MYOF: variants seen among roughly 807,000 people sequenced by gnomAD.
MYOF encodes myoferlin.
Under a neutral mutation model 284.2 loss-of-function variants are expected in MYOF, and 244 were observed. The ratio of observed to expected loss-of-function variants is 0.86; its 90% CI spans 0.77 to 0.95. The LOEUF is 0.95. MYOF is among the 40% of genes least tolerant of loss of function. The probability of loss-of-function intolerance (pLI) is 0.00; values close to 1 mark genes in which losing one functional copy is unlikely to be tolerated. For missense variants in MYOF, 2,496 were observed against 2,560.6 expected, an observed-to-expected ratio of 0.97 and a Z score of 0.54; for synonymous variants, 904 against 919.7, an observed-to-expected ratio of 0.98 and a Z score of 0.31.
chr10:93,362,255 G>GT (rs35080758), intron 27 of MYOF, among the ~76,000 whole-genome samples: 38,802 of 145,540 alleles, frequency 0.27, 6,552 homozygotes, highest in East Asian at 0.88. Context: ...GCCTGTTTTT[G>GT]TTTTTTTTGA....
At position 93,343,922 on chromosome 10, in the gene MYOF, C is replaced by G. The variant is rs1564634325; in HGVS notation, c.4260G>C (p.Leu1420=). 29 of 1,614,144 alleles carry G rather than the reference C, an allele frequency of 1.8e-5. No homozygotes were observed. Among genetic ancestry groups the G allele is most frequent in the Middle Eastern group, 3.3e-4 (2 of 6,062 alleles). ...DIVPQLKASL[L]SAPPCRDIVI... is the part of the protein sequence containing the mutation. The stretch of plus-strand genomic sequence containing the variant: ...CGATGTCCCGGCATGGTGGGGCAGA[C>G]AGAAGGGAGGCTGCAAGACAAATAC... Residue 1420 remains leucine (L), a synonymous_variant, in exon 38 of 54, where the codon CTG becomes CTC. Coordinates refer to ENST00000359263, the MANE Select transcript of MYOF (RefSeq NM_013451.4).
intron 20 of MYOF, among the ~76,000 whole-genome samples, chr10:93,380,621 C>T (rs1324119998): frequency 6.6e-6 from 1 of 152,182 alleles, no homozygotes; most frequent in Non-Finnish European, 1.5e-5. Context: ...AGTTCTCATA[C>T]TTTGCTTTCT....
chr10:93,404,578 T>C (rs1412216419), intron 7 of MYOF, among the ~76,000 whole-genome samples: 3 of 136,976 alleles, frequency 2.2e-5, no homozygotes, highest in Non-Finnish European at 4.5e-5. Flanking sequence ...TAGGCTGAGA[T>C]GGGAGGAGTG....
intron 6 of MYOF, 93 bp downstream of exon 6, chr10:93,409,480 A>T: frequency 7.0e-7 from 1 of 1,424,270 alleles, no homozygotes; most frequent in Non-Finnish European, 9.5e-7. Flanking sequence ...GCCATTGTCC[A>T]TTGGAATAGG....
At chr10:93,435,415 T>C (rs1274973018) in intron 3 of MYOF, among the ~76,000 whole-genome samples, 1 of 152,214 alleles carries the variant, frequency 6.6e-6, no homozygotes, top group Non-Finnish European at 1.5e-5. Context: ...ATCAAAAACT[T>C]CGAGGCACAT....
intron 7 of MYOF, among the ~76,000 whole-genome samples, chr10:93,407,603 T>C (rs1589521145): frequency 6.6e-6 from 1 of 150,474 alleles, no homozygotes; most frequent in East Asian, 2.0e-4. Flanking sequence ...CTGGGCGTGG[T>C]GGCGGGCGCC....
intron 4 of MYOF, among the ~76,000 whole-genome samples, chr10:93,428,949 A>C (rs1173664024): frequency 6.6e-6 from 1 of 152,198 alleles, no homozygotes; most frequent in Non-Finnish European, 1.5e-5. Flanking sequence ...CAAAAGGGTA[A>C]GAGGAATTAC....
intron 12 of MYOF, among the ~76,000 whole-genome samples, chr10:93,401,170 AAGAG>A (rs561505646): frequency 6.6e-6 from 1 of 152,182 alleles, no homozygotes; most frequent in Non-Finnish European, 1.5e-5. Context: ...ATAGAATAGC[AAGAG>A]AGAGAGTCAA....
chr10:93,375,653 G>A (rs1446938786), intron 22 of MYOF, among the ~76,000 whole-genome samples: 1 of 152,196 alleles, frequency 6.6e-6, no homozygotes, highest in East Asian at 1.9e-4. Flanking sequence ...GTATGGAAAG[G>A]ATTTAGAATA....
At chr10:93,324,707 C>G (rs931863137) in intron 46 of MYOF, 3 of 152,160 alleles carry the variant, frequency 2.0e-5, no homozygotes, top group African/African-American at 7.2e-5. Context: ...CAGGCCAACC[C>G]TTTTGCAATC....
intron 3 of MYOF, among the ~76,000 whole-genome samples, chr10:93,434,158 C>T (rs980165395): frequency 2.0e-5 from 3 of 152,150 alleles, no homozygotes; most frequent in East Asian, 3.9e-4. Flanking sequence ...GGGCCAGGTG[C>T]GGTGGCTCAT....
chr10:93,381,036 T>C (rs2134000737), intron 20 of MYOF, among the ~76,000 whole-genome samples, 183 bp downstream of exon 20: 1 of 152,346 alleles, frequency 6.6e-6, no homozygotes, highest in Non-Finnish European at 1.5e-5. Flanking sequence ...TGCAACTTCT[T>C]GGGTCTGGCC....
intron 3 of MYOF, among the ~76,000 whole-genome samples, chr10:93,449,293 T>C (rs2056524751): frequency 6.6e-6 from 1 of 152,262 alleles, no homozygotes; most frequent in African/African-American, 2.4e-5. Context: ...TTCACCCATT[T>C]CTTCATATTT....
In MYOF at chr10:93,409,642, C is replaced by G. The variant is rs1847808137; in HGVS notation, c.531G>C (p.Gln177His). ...KGPVGTVSEA[Q>H]LARRLTKVKN... ...TTACTTTGGTGAGCCTCCGAGCAAG[C>G]TGAGCTTCCGACACCGTCCCAACTG... The change falls in exon 6 of 54, where the codon CAG becomes CAC. Residue 177 changes from glutamine to histidine, a missense_variant. This residue lies in a region of MYOF where 2,436 missense variants were observed against 2,480.7 expected (regional missense o/e 0.98). Transcript: ENST00000359263. 4.3e-6 allele frequency: 7 copies of G among 1,614,242 alleles called. No individual in the cohort carries two copies. In the East Asian group the frequency reaches 1.1e-4, roughly 26 times the overall value.
At chr10:93,372,621 G>A (rs901816598) in intron 24 of MYOF, among the ~76,000 whole-genome samples, 1 of 152,180 alleles carries the variant, frequency 6.6e-6, no homozygotes, top group African/African-American at 2.4e-5. Flanking sequence ...AGAATGAAAG[G>A]AAGAAAGGCA....
intron 3 of MYOF, among the ~76,000 whole-genome samples, chr10:93,441,455 G>A (rs2056248920): frequency 6.6e-6 from 1 of 151,782 alleles, no homozygotes; most frequent in African/African-American, 2.4e-5. Context: ...TGCAATCTCA[G>A]CTCATTGCAA....
chr10:93,464,108 T>C (rs2056949809), intron 1 of MYOF, among the ~76,000 whole-genome samples: 2 of 152,216 alleles, frequency 1.3e-5, no homozygotes, highest in Admixed American at 1.3e-4. Flanking sequence ...ATAATTTAGA[T>C]GGGCCTCATC....
chr10:93,388,475 G>T (rs539500755), intron 18 of MYOF, among the ~76,000 whole-genome samples: 46 of 152,300 alleles, frequency 3.0e-4, no homozygotes, highest in Non-Finnish European at 6.2e-4. Context: ...AGCAGTGCTG[G>T]CAATAGAACC....
At chr10:93,395,975 T>C (rs1434056488) in intron 16 of MYOF, among the ~76,000 whole-genome samples, 167 bp downstream of exon 16, 3 of 151,022 alleles carry the variant, frequency 2.0e-5, no homozygotes, top group Non-Finnish European at 4.4e-5. Context: ...TGATTAATTG[T>C]TTTGCAGGCC....
Sources: allele counts gnomAD v4.1 joint callset (sites outside exome capture counted in the v4.1 genomes callset), GRCh38; gene constraint gnomAD v4.1.1; regional missense constraint gnomAD v4.1.1; transcripts MANE v1.5; gene names NCBI Gene and HGNC (gene_info 2026-07-23, HGNC 2026-07-21).